The following NCOA7 variants were observed in gnomAD, a reference collection of about 807,000 sequenced individuals.
NCOA7 encodes the protein nuclear receptor coactivator 7.
Under a neutral mutation model 104.3 loss-of-function variants are expected in NCOA7, and 45 were observed. The observed-to-expected ratio is 0.43, with a 90% CI of 0.34 to 0.55. The LOEUF (loss-of-function observed/expected upper bound fraction) is 0.55, where lower values mean the gene tolerates loss of function less well. Ranked by LOEUF, NCOA7 falls within the 20% of genes least tolerant of loss-of-function variation. NCOA7 has a pLI of 0.02. For missense variants in NCOA7, 1,041 were observed against 1,119.7 expected, an observed-to-expected ratio of 0.93 and a Z score of 1.00; for synonymous variants, 398 against 402.3, an observed-to-expected ratio of 0.99 and a Z score of 0.13.
chr6:125,795,819 C>T (rs73584304), intron 1 of NCOA7, among the ~76,000 whole-genome samples: 9,062 of 152,160 alleles, frequency 0.06, 814 homozygotes, highest in African/African-American at 0.19. Context: ...TCATTCTTAG[C>T]TAAGTCCCCT....
chr6:125,904,044 C>G (rs148437495), intron 10 of NCOA7, among the ~76,000 whole-genome samples: 1 of 152,180 alleles, frequency 6.6e-6, no homozygotes, highest in South Asian at 2.1e-4. Flanking sequence ...TCTGCATACC[C>G]TCTGAAGTCA....
intron 2 of NCOA7, among the ~76,000 whole-genome samples, chr6:125,821,060 G>T (rs948293649): frequency 6.6e-6 from 1 of 152,086 alleles, no homozygotes; most frequent in East Asian, 1.9e-4. Context: ...GTCAAGCGGC[G>T]TGCCAGTGAT....
chr6:125,794,905 G>A (rs948353495), intron 1 of NCOA7, among the ~76,000 whole-genome samples: 2 of 152,154 alleles, frequency 1.3e-5, no homozygotes, highest in African/African-American at 4.8e-5. Flanking sequence ...GCCTAACTTA[G>A]CATAACACTC....
chr6:125,826,270 T>C (rs1778647742), intron 2 of NCOA7, among the ~76,000 whole-genome samples: 1 of 150,798 alleles, frequency 6.6e-6, no homozygotes, highest in Admixed American at 6.6e-5. Flanking sequence ...GAGGTTGCAG[T>C]GAGTGAGCCA....
intron 1 of NCOA7, among the ~76,000 whole-genome samples, chr6:125,805,356 A>G (rs943257047): frequency 1.3e-5 from 2 of 151,926 alleles, no homozygotes; most frequent in African/African-American, 4.8e-5. Flanking sequence ...CAGCCTGCCA[A>G]AGTGCTGGGA....
intron 10 of NCOA7, among the ~76,000 whole-genome samples, chr6:125,905,527 G>T (rs538229612): frequency 4.6e-5 from 7 of 152,288 alleles, no homozygotes; most frequent in Admixed American, 2.0e-4. Context: ...CTCCCGAAGT[G>T]CTGGGATTAC....
chr6:125,788,926 G>A (rs190743722), upstream of NCOA7, among the ~76,000 whole-genome samples: 11 of 152,118 alleles, frequency 7.2e-5, no homozygotes, highest in East Asian at 1.9e-3. Flanking sequence ...AAACATCACT[G>A]CTTAATTTAT....
At chr6:125,813,525 C>T (rs1365489798) in intron 1 of NCOA7, among the ~76,000 whole-genome samples, 1 of 150,480 alleles carries the variant, frequency 6.6e-6, no homozygotes, top group East Asian at 1.9e-4. Context: ...GGTCTCGGCT[C>T]ACTGCAACCT....
At chr6:125,807,524 C>T (rs1776571548) in intron 1 of NCOA7, among the ~76,000 whole-genome samples, 1 of 152,128 alleles carries the variant, frequency 6.6e-6, no homozygotes, top group Non-Finnish European at 1.5e-5. Flanking sequence ...TATTCACTTG[C>T]ACTAACACTA....
intron 8 of NCOA7, among the ~76,000 whole-genome samples, chr6:125,888,624 A>C (rs935258572): frequency 7.2e-5 from 11 of 152,210 alleles, no homozygotes; most frequent in African/African-American, 2.4e-4. Flanking sequence ...TTATTATTTC[A>C]TATTTAGAAA....
rs2128705049 is a variant in NCOA7, at chr6:125,928,999, G to T, written c.*228G>T. The T allele has an allele frequency of 9.4e-6, 4 of 427,314 alleles. No individual in the cohort carries two copies. The highest frequency in any genetic ancestry group is 3.9e-5 in the East Asian group (1 of 25,738). The allele number at this position is 427,314 out of a possible 1,614,324, so 26.5% of individuals were successfully genotyped here. The stretch of plus-strand genomic sequence containing the variant: ...AAATCCAGGTTGTTGAAAAGACTTT[G>T]TACTCCCACTTCCTCCAAATCCATA... On this transcript the variant is annotated 3_prime_UTR_variant, in exon 16 of 16. Transcript: ENST00000392477.
chr6:125,843,845 A>G (rs1011371087), intron 2 of NCOA7, among the ~76,000 whole-genome samples: 1 of 152,210 alleles, frequency 6.6e-6, no homozygotes, highest in Non-Finnish European at 1.5e-5. Flanking sequence ...AAATTCTCAC[A>G]TGGGGCAATG....
chr6:125,813,946 A>T (rs1777328323), intron 1 of NCOA7, among the ~76,000 whole-genome samples: 1 of 152,212 alleles, frequency 6.6e-6, no homozygotes. Context: ...ATTTTTCAGC[A>T]GTACATATCA....
chr6:125,794,014 C>T (rs1194652752), intron 1 of NCOA7, among the ~76,000 whole-genome samples: 1 of 152,264 alleles, frequency 6.6e-6, no homozygotes, highest in East Asian at 1.9e-4. Flanking sequence ...CTATTCCCTT[C>T]CAATACTAGC....
rs897467378 is a variant in NCOA7 at position 125,875,006 on chromosome 6, G to C, written c.351+38G>C. 2.1e-6 allele frequency: 3 copies of C among 1,430,946 alleles called. No homozygotes were observed. The Admixed American group carries it at 5.1e-5, about 24-fold the overall frequency. The allele number at this position is 1,430,946 out of a possible 1,614,324, so 88.6% of individuals were successfully genotyped here. ...AAGGTGGTATAAATGTTTGTTAATA[G>C]CACTACATTTATATAATGGTTTTCC... On this transcript the variant is annotated intron_variant, in intron 4 of 15. Coordinates refer to ENST00000392477, the MANE Select transcript of NCOA7 (RefSeq NM_181782.5).
At chr6:125,810,132 C>T (rs1583268004) in intron 1 of NCOA7, 1 of 152,228 alleles carries the variant, frequency 6.6e-6, no homozygotes, top group South Asian at 2.1e-4. Context: ...AGTGCTGCAG[C>T]ACAGAATTTG....
intron 3 of NCOA7, among the ~76,000 whole-genome samples, chr6:125,872,329 G>T (rs922045896): frequency 1.3e-5 from 2 of 152,178 alleles, no homozygotes; most frequent in Non-Finnish European, 2.9e-5. Flanking sequence ...TCCCCATTGG[G>T]ACCAGAGATA....
intron 8 of NCOA7, among the ~76,000 whole-genome samples, chr6:125,887,439 A>G (rs919753727): frequency 6.6e-6 from 1 of 152,244 alleles, no homozygotes; most frequent in Non-Finnish European, 1.5e-5. Flanking sequence ...CCTGCAGAAC[A>G]GAGATTCTTT....
intron 10 of NCOA7, among the ~76,000 whole-genome samples, chr6:125,913,281 G>A (rs1329295671): frequency 6.6e-6 from 1 of 152,192 alleles, no homozygotes; most frequent in Non-Finnish European, 1.5e-5. Context: ...GGGTATTGCA[G>A]TATCAAGCCT....
Sources: allele counts gnomAD v4.1 joint callset (sites outside exome capture counted in the v4.1 genomes callset), GRCh38; gene constraint gnomAD v4.1.1; transcripts MANE v1.5; gene names NCBI Gene and HGNC (gene_info 2026-07-23, HGNC 2026-07-21).